Variants in HS6ST3 observed in about 807,000 individuals in gnomAD.
HS6ST3 encodes the protein heparan sulfate 6-O-sulfotransferase 3, also known as heparan-sulfate 6-O-sulfotransferase 3.
Under a neutral mutation model 36.7 loss-of-function variants are expected in HS6ST3, and 12 were observed. The observed-to-expected ratio is 0.33, with a 90% CI of 0.21 to 0.53. HS6ST3 has a LOEUF of 0.53. Ranked by LOEUF, HS6ST3 falls within the 20% of genes least tolerant of loss-of-function variation. The pLI is 0.95. For synonymous variants in HS6ST3, 240 were observed against 257.5 expected, an observed-to-expected ratio of 0.93 and a Z score of 0.65; for missense variants, 584 against 640.9, an observed-to-expected ratio of 0.91 and a Z score of 0.96.
intron 1 of HS6ST3, among the ~76,000 whole-genome samples, chr13:96,791,636 G>A (rs1429972986): frequency 1.3e-5 from 2 of 151,922 alleles, no homozygotes; most frequent in African/African-American, 4.8e-5. Context: ...TATAAGTATG[G>A]CCAGGTATTA....
chr13:96,492,256 G>A (rs2055949979), intron 1 of HS6ST3, among the ~76,000 whole-genome samples: 1 of 152,154 alleles, frequency 6.6e-6, no homozygotes, highest in South Asian at 2.1e-4. Flanking sequence ...TCTGCAGACA[G>A]TGACACTCTT....
At chr13:96,300,343 C>T (rs1594746959) in intron 1 of HS6ST3, among the ~76,000 whole-genome samples, 1 of 151,962 alleles carries the variant, frequency 6.6e-6, no homozygotes, top group East Asian at 1.9e-4. Flanking sequence ...AAGAGTGAGC[C>T]ACCACACCTG....
chr13:96,495,977 C>T (rs375554187), intron 1 of HS6ST3, among the ~76,000 whole-genome samples: 40 of 152,304 alleles, frequency 2.6e-4, no homozygotes, highest in African/African-American at 8.2e-4. Flanking sequence ...TTGTAATCAC[C>T]GCCTCAACCC....
chr13:96,779,250 A>G (rs892896751), intron 1 of HS6ST3, among the ~76,000 whole-genome samples: 1 of 151,930 alleles, frequency 6.6e-6, no homozygotes, highest in African/African-American at 2.4e-5. Context: ...ACAAACTACC[A>G]TGGCACATGT....
chr13:96,519,193 G>T (rs528714313), intron 1 of HS6ST3, among the ~76,000 whole-genome samples: 1 of 152,130 alleles, frequency 6.6e-6, no homozygotes, highest in Non-Finnish European at 1.5e-5. Flanking sequence ...TGGGTCTACC[G>T]CAAGGTTAAT....
intron 1 of HS6ST3, among the ~76,000 whole-genome samples, chr13:96,524,677 C>A (rs573524954): frequency 2.6e-5 from 4 of 152,224 alleles, no homozygotes; most frequent in Non-Finnish European, 5.9e-5. Context: ...GGCATGGGAC[C>A]TGCCGAGCCA....
chr13:96,437,474 T>C (rs1403927926), intron 1 of HS6ST3, among the ~76,000 whole-genome samples: 2 of 152,198 alleles, frequency 1.3e-5, no homozygotes, highest in East Asian at 3.8e-4. Context: ...ATTTCCAGTC[T>C]CCTCCCCACC....
intron 1 of HS6ST3, among the ~76,000 whole-genome samples, chr13:96,151,489 T>G (rs1252780147): frequency 6.6e-6 from 1 of 151,900 alleles, no homozygotes; most frequent in Non-Finnish European, 1.5e-5. Context: ...CACCATGAAG[T>G]CTAGATGGAT....
chr13:96,152,269 C>T (rs1181621103), intron 1 of HS6ST3, among the ~76,000 whole-genome samples: 1 of 150,184 alleles, frequency 6.7e-6, no homozygotes, highest in Non-Finnish European at 1.5e-5. Context: ...CCAGTTGAGA[C>T]TGTTTCTAGC....
rs948586324 is a variant in HS6ST3, at chr13:96,614,315, A to C, written c.708-218175A>C. ...TCCATCTCAAAAAAAAAAAAAAAAA[A>C]AAAAAAAAAAAAACAGTTATTACCA... On this transcript the variant is annotated intron_variant, in intron 1 of 1. Transcript: ENST00000376705. Among the ~76,000 whole-genome samples the C allele has an allele frequency of 4.0e-5, 6 of 148,494 alleles. No individual in the cohort carries two copies. The South Asian group carries it at 8.5e-4, about 21-fold the overall frequency.
intron 1 of HS6ST3, among the ~76,000 whole-genome samples, chr13:96,817,410 T>G (rs1454817731): frequency 6.6e-6 from 1 of 152,214 alleles, no homozygotes; most frequent in Non-Finnish European, 1.5e-5. Context: ...TCTCTTTAGC[T>G]TGAATGTAAC....
chr13:96,616,246 T>C (rs694081), intron 1 of HS6ST3, among the ~76,000 whole-genome samples: 150,872 of 152,296 alleles, frequency 0.99, 74,742 homozygotes, highest in Middle Eastern at 1. Flanking sequence ...TTTTCTTATT[T>C]GCTAATCCAT....
At chr13:96,413,554 C>G (rs2055518880) in intron 1 of HS6ST3, among the ~76,000 whole-genome samples, 1 of 152,132 alleles carries the variant, frequency 6.6e-6, no homozygotes, top group Non-Finnish European at 1.5e-5. Flanking sequence ...GATACTGAAG[C>G]AAAACAATTT....
At chr13:96,496,763 T>C (rs1792820779) in intron 1 of HS6ST3, among the ~76,000 whole-genome samples, 1 of 152,070 alleles carries the variant, frequency 6.6e-6, no homozygotes, top group South Asian at 2.1e-4. Context: ...TTTTAAGCCA[T>C]TAAGCTTTAG....
At chr13:96,405,778 A>C (rs1280744990) in intron 1 of HS6ST3, among the ~76,000 whole-genome samples, 1 of 152,200 alleles carries the variant, frequency 6.6e-6, no homozygotes, top group Non-Finnish European at 1.5e-5. Context: ...TTGCAAGAAC[A>C]GTAGATTTCG....
chr13:96,139,210 T>G (rs2054017401), intron 1 of HS6ST3, among the ~76,000 whole-genome samples: 1 of 152,016 alleles, frequency 6.6e-6, no homozygotes, highest in Admixed American at 6.6e-5. Context: ...GCTTTGGATA[T>G]TAATATAATT....
At chr13:96,457,949 G>A (rs186784945) in intron 1 of HS6ST3, among the ~76,000 whole-genome samples, 26 of 151,710 alleles carry the variant, frequency 1.7e-4, no homozygotes, top group Admixed American at 8.5e-4. Context: ...TATACTACTG[G>A]GTTCGGTAGC....
chr13:96,478,329 T>C (rs771591076), intron 1 of HS6ST3, among the ~76,000 whole-genome samples: 8 of 152,142 alleles, frequency 5.3e-5, no homozygotes, highest in Non-Finnish European at 1.2e-4. Context: ...TTAAGGACGA[T>C]AAGAGAAGAG....
chr13:96,370,767 C>T (rs1024190893), intron 1 of HS6ST3, among the ~76,000 whole-genome samples: 3 of 152,176 alleles, frequency 2.0e-5, no homozygotes, highest in African/African-American at 7.2e-5. Context: ...CAAAAATTAG[C>T]CGGGTGCAGT....
Sources: gnomAD v4.1 joint callset for allele counts (sites outside exome capture counted in the v4.1 genomes callset) on GRCh38, gnomAD v4.1.1 for gene constraint, MANE v1.5 for transcripts, NCBI Gene and HGNC (gene_info 2026-07-23, HGNC 2026-07-21) for gene names.